The following OPRD1 variants were observed in gnomAD, a reference collection of about 807,000 sequenced individuals.
OPRD1 encodes the protein delta-type opioid receptor.
A neutral mutation model predicts 17.5 loss-of-function variants in OPRD1; 19 were observed. The ratio of observed to expected loss-of-function variants is 1.09; its 90% confidence interval spans 0.76 to 1.60. The LOEUF is 1.60. OPRD1 is among the 40% of genes most tolerant of loss of function. The probability of loss-of-function intolerance (pLI) is 0.00; values close to 1 mark genes in which losing one functional copy is unlikely to be tolerated. For synonymous variants in OPRD1, 256 were observed against 240.9 expected, an observed-to-expected ratio of 1.06 and a Z score of -0.58; for missense variants, 483 against 547.2, an observed-to-expected ratio of 0.88 and a Z score of 1.17.
At chr1:28,850,426 C>T (rs1032101727) in intron 1 of OPRD1, among the ~76,000 whole-genome samples, 4 of 152,012 alleles carry the variant, frequency 2.6e-5, no homozygotes, top group African/African-American at 4.8e-5. Flanking sequence ...TGGGTTCAAG[C>T]GATTCTCCTG....
At chr1:28,854,809 C>G (rs555249769) in intron 1 of OPRD1, among the ~76,000 whole-genome samples, 15 of 152,224 alleles carry the variant, frequency 9.9e-5, no homozygotes, top group East Asian at 9.7e-4. Flanking sequence ...CATGCCACTA[C>G]GCCCGGCTAA....
Position 28,858,997 on chromosome 1 carries a change from C to A in OPRD1, c.271C>A (p.Leu91Met), listed in dbSNP as rs2089084497. The A allele has an allele frequency of 6.2e-7, 1 of 1,613,570 alleles. No individual in the cohort carries two copies. The highest frequency in any genetic ancestry group is 1.7e-5 in the Admixed American group (1 of 60,012). ...KTATNIYIFN[L>M]ALADALATST... Reference sequence around the variant, plus strand: ...GGCCACCAACATCTACATCTTCAACCTGGCCTTAGCCGATGCGCTGGCCAC... The same window carrying A: ...GGCCACCAACATCTACATCTTCAACATGGCCTTAGCCGATGCGCTGGCCAC... The change falls in exon 2 of 3, where the codon CTG (leucine) becomes ATG (methionine). Residue 91 changes from leucine (L) to methionine (M), a missense_variant. Coordinates refer to ENST00000234961, the MANE Select transcript of OPRD1 (RefSeq NM_000911.4).
intron 1 of OPRD1, among the ~76,000 whole-genome samples, chr1:28,821,111 A>AT (rs1057388287): frequency 2.7e-5 from 4 of 150,106 alleles, no homozygotes; most frequent in Non-Finnish European, 5.9e-5. Flanking sequence ...TTATTTATTC[A>AT]TTTTTTTTGA....
chr1:28,868,987 T>A lies in OPRD1; in HGVS notation c.*5704T>A, dbSNP rs1557583533. ...GCCCTCTCTTTGTGTCAGCCGCAGA[T>A]CCCTCACCTAGGGCATGACTACTGG... On this transcript the variant is annotated 3_prime_UTR_variant, in exon 3 of 3. Coordinates refer to ENST00000234961, the MANE Select transcript of OPRD1 (RefSeq NM_000911.4). 1 of 152,128 alleles carries A rather than the reference T, an allele frequency of 6.6e-6. No individual in the cohort carries two copies. The highest frequency in any genetic ancestry group is 1.5e-5 in the Non-Finnish European group (1 of 68,096). The allele number at this position is 152,128 out of a possible 1,614,324, so 9.4% of individuals were successfully genotyped here. A position where few individuals can be genotyped will look rare whatever the true frequency, so the allele number is the denominator to read the frequency against.
At chr1:28,842,463 C>G (rs1490931882) in intron 1 of OPRD1, among the ~76,000 whole-genome samples, 1 of 152,170 alleles carries the variant, frequency 6.6e-6, no homozygotes, top group African/African-American at 2.4e-5. Flanking sequence ...CTCCAGAGGC[C>G]CAGGAACAAG....
At chr1:28,853,967 CT>C (rs1346208001) in intron 1 of OPRD1, among the ~76,000 whole-genome samples, 2 of 152,034 alleles carry the variant, frequency 1.3e-5, no homozygotes, top group African/African-American at 4.8e-5. Flanking sequence ...TCTTCAACTC[CT>C]GAGCTCAAAC....
chr1:28,848,763 C>A (rs975729155), intron 1 of OPRD1, among the ~76,000 whole-genome samples: 4 of 152,182 alleles, frequency 2.6e-5, no homozygotes, highest in Non-Finnish European at 5.9e-5. Flanking sequence ...ACCAGCTCTG[C>A]CACTTACTGG....
intron 1 of OPRD1, among the ~76,000 whole-genome samples, chr1:28,832,827 G>A (rs891205232): frequency 6.6e-6 from 1 of 152,204 alleles, no homozygotes; most frequent in African/African-American, 2.4e-5. Flanking sequence ...GAACATGTGT[G>A]ATGCTCTGAA....
intron 1 of OPRD1, among the ~76,000 whole-genome samples, chr1:28,844,402 C>T (rs1358811424): frequency 6.6e-6 from 1 of 151,744 alleles, no homozygotes; most frequent in African/African-American, 2.4e-5. Flanking sequence ...GCGATTCTCC[C>T]ACCTCGGCCC....
intron 1 of OPRD1, among the ~76,000 whole-genome samples, chr1:28,836,103 G>A (rs2088850364): frequency 6.6e-6 from 1 of 152,186 alleles, no homozygotes. Context: ...CTGGGGTGTG[G>A]AGCAATTTTA....
intron 1 of OPRD1, among the ~76,000 whole-genome samples, chr1:28,850,328 A>G (rs1308100391): frequency 2.0e-5 from 3 of 150,432 alleles, no homozygotes; most frequent in Non-Finnish European, 4.4e-5. Flanking sequence ...ATCTCTACAA[A>G]TTTTATTTTT....
rs943295123 is a variant in OPRD1, at chr1:28,867,644, C to G, written c.*4361C>G. 6.6e-6 allele frequency: 1 copy of G among 152,350 alleles called. No individual in the cohort carries two copies. The highest frequency in any genetic ancestry group is 2.4e-5 in the African/African-American group (1 of 41,422). 9.4% of individuals were successfully genotyped at this position (152,350 alleles called of 1,614,324 possible). A position where few individuals can be genotyped will look rare whatever the true frequency, so the allele number is the denominator to read the frequency against. On this transcript the variant is annotated 3_prime_UTR_variant, in exon 3 of 3. Coordinates refer to ENST00000234961, the MANE Select transcript of OPRD1 (RefSeq NM_000911.4). The stretch of plus-strand genomic sequence containing the variant: ...GGTGTGAGCCACTGTGCCCAGCTCT[C>G]ATACCTCGTCTTGATGCAGTAGAAG...
At chr1:28,815,763 G>A (rs1369881841) in intron 1 of OPRD1, among the ~76,000 whole-genome samples, 1 of 152,218 alleles carries the variant, frequency 6.6e-6, no homozygotes, top group East Asian at 1.9e-4. Flanking sequence ...TTGAGTGAAT[G>A]AGTGGTTGAA....
Position 28,863,544 on chromosome 1 carries a change from C to T in OPRD1, c.*261C>T, listed in dbSNP as rs2089146431. 3 of 416,158 alleles carry T rather than the reference C, an allele frequency of 7.2e-6. No individual in the cohort carries two copies. The Admixed American group carries it at 1.3e-4, about 18-fold the overall frequency. The allele number at this position is 416,158 out of a possible 1,614,324, so 25.8% of individuals were successfully genotyped here. A position where few individuals can be genotyped will look rare whatever the true frequency, so the allele number is the denominator to read the frequency against. On this transcript the variant is annotated 3_prime_UTR_variant, in exon 3 of 3. Coordinates refer to ENST00000234961, the MANE Select transcript of OPRD1 (RefSeq NM_000911.4). Reference sequence around the variant, plus strand: ...GCCCCGTCCACGGCTCTAGGTGGGGCGGGAAAGCCAGTGACTCCAGGAGAG... The same window carrying T: ...GCCCCGTCCACGGCTCTAGGTGGGGTGGGAAAGCCAGTGACTCCAGGAGAG...
chr1:28,856,873 C>T (rs952695287), intron 1 of OPRD1, among the ~76,000 whole-genome samples: 1 of 152,188 alleles, frequency 6.6e-6, no homozygotes, highest in Non-Finnish European at 1.5e-5. Flanking sequence ...TCACCTGCTC[C>T]GCTTCCCCAC....
chr1:28,852,164 T>TAAA (rs71030305), intron 1 of OPRD1, among the ~76,000 whole-genome samples: 7 of 86,718 alleles, frequency 8.1e-5, no homozygotes, highest in Non-Finnish European at 1.5e-4. Flanking sequence ...AAACTCCATG[T>TAAA]AAAAAAAAAA....
chr1:28,854,930 A>G (rs1393169120), intron 1 of OPRD1, among the ~76,000 whole-genome samples: 5 of 152,140 alleles, frequency 3.3e-5, no homozygotes, highest in Admixed American at 6.5e-5. Flanking sequence ...AATTACAGGC[A>G]TGAGCCACTG....
chr1:28,844,870 G>A (rs536391870), intron 1 of OPRD1, among the ~76,000 whole-genome samples: 58 of 151,930 alleles, frequency 3.8e-4, no homozygotes, highest in African/African-American at 1.3e-3. Context: ...TCAGTCTCCC[G>A]AGTAGCTGGG....
In OPRD1 at chr1:28,827,873, T is replaced by C. The variant is rs2088778865; in HGVS notation, c.227+15263T>C. Among the ~76,000 whole-genome samples the C allele has an allele frequency of 2.6e-5, 4 of 152,130 alleles. No individual in the cohort carries two copies. In the South Asian group the frequency reaches 8.3e-4, roughly 32 times the overall value. Reference sequence around the variant, plus strand: ...CCAAGTTGCTGGGACTACATGTGTGTGCCACCATGTCTGGCTAATTTATTT... The same window carrying C: ...CCAAGTTGCTGGGACTACATGTGTGCGCCACCATGTCTGGCTAATTTATTT... On this transcript the variant is annotated intron_variant, in intron 1 of 2. Transcript: ENST00000234961.
Sources: allele counts gnomAD v4.1 joint callset (sites outside exome capture counted in the v4.1 genomes callset), GRCh38; gene constraint gnomAD v4.1.1; transcripts MANE v1.5; gene names NCBI Gene and HGNC (gene_info 2026-07-23, HGNC 2026-07-21).